Variants in SYNJ2 observed in about 807,000 individuals in gnomAD.
SYNJ2 encodes polyphosphatidylinositol phosphatase SYNJ2.
A neutral mutation model predicts 141.3 loss-of-function variants in SYNJ2; 116 were observed. That is an observed-to-expected ratio of 0.82 (90% CI 0.71 to 0.96). The LOEUF is 0.96. Ranked by LOEUF, SYNJ2 falls within the 40% of genes least tolerant of loss-of-function variation. The probability of loss-of-function intolerance (pLI) is 0.00; values close to 1 mark genes in which losing one functional copy is unlikely to be tolerated. For missense variants in SYNJ2, 1,873 were observed against 1,934.8 expected, an observed-to-expected ratio of 0.97 and a Z score of 0.60; for synonymous variants, 745 against 777.7, an observed-to-expected ratio of 0.96 and a Z score of 0.70.
Position 158,097,475 on chromosome 6 carries a change from T to C in SYNJ2, c.*1111T>C, listed in dbSNP as rs1048394. 79,798 of 152,078 alleles carry C rather than the reference T, an allele frequency of 0.52. 21,231 individuals carry two copies. Among genetic ancestry groups the C allele is most frequent in the African/African-American group, 0.59 (24,481 of 41,490 alleles). 9.4% of individuals were successfully genotyped at this position (152,078 alleles called of 1,614,324 possible). A position where few individuals can be genotyped will look rare whatever the true frequency, so the allele number is the denominator to read the frequency against. ...AGTGCTTTACATTTTTAAAGTAATG[T>C]TACAAGGTCTGGAATCCATTTGGAG... On this transcript the variant is annotated 3_prime_UTR_variant, in exon 27 of 27. Transcript: ENST00000355585.
chr6:158,066,325 G>A lies in SYNJ2; in HGVS notation c.1526-119G>A, dbSNP rs960157488. ...GTCGTCTTCGTAAGGAGCATACCCTGGTTTATCTCTAGAGGCTCATGAACC... is the reference window on the plus strand; with the variant it reads ...GTCGTCTTCGTAAGGAGCATACCCTAGTTTATCTCTAGAGGCTCATGAACC... On this transcript the variant is annotated intron_variant, in intron 11 of 26. Coordinates refer to ENST00000355585, the MANE Select transcript of SYNJ2 (RefSeq NM_003898.4). The A allele has an allele frequency of 2.6e-6, 3 of 1,162,052 alleles. No homozygotes were observed. The African/African-American group carries it at 4.6e-5, about 18-fold the overall frequency. The allele number at this position is 1,162,052 out of a possible 1,614,324, so 72.0% of individuals were successfully genotyped here. A position where few individuals can be genotyped will look rare whatever the true frequency, so the allele number is the denominator to read the frequency against.
chr6:158,072,135 G>C (rs73017997), intron 15 of SYNJ2, among the ~76,000 whole-genome samples: 1 of 152,326 alleles, frequency 6.6e-6, no homozygotes, highest in Non-Finnish European at 1.5e-5. Flanking sequence ...TCCTGTCCAA[G>C]TGGTGAAGAG....
chr6:158,053,782 C>G (rs1029101159), intron 5 of SYNJ2, among the ~76,000 whole-genome samples: 2 of 151,160 alleles, frequency 1.3e-5, no homozygotes, highest in Non-Finnish European at 3.0e-5. Context: ...TCCACCCACC[C>G]ACTCACCCAC....
intron 3 of SYNJ2, among the ~76,000 whole-genome samples, chr6:158,031,119 G>A (rs1021784768): frequency 7.9e-5 from 12 of 152,146 alleles, no homozygotes; most frequent in African/African-American, 1.4e-4. Flanking sequence ...TGTGCCCCGC[G>A]AGCTGTTACA....
intron 2 of SYNJ2, among the ~76,000 whole-genome samples, chr6:158,021,595 G>A (rs1236649055): frequency 6.6e-6 from 1 of 152,176 alleles, no homozygotes; most frequent in Non-Finnish European, 1.5e-5. Flanking sequence ...GCAGAGGGCT[G>A]AGGACGAGGT....
intron 6 of SYNJ2, among the ~76,000 whole-genome samples, chr6:158,055,659 A>G (rs1036802657): frequency 6.6e-6 from 1 of 152,236 alleles, no homozygotes; most frequent in Non-Finnish European, 1.5e-5. Flanking sequence ...TATTTAATCT[A>G]AATACTCAAT....
At chr6:158,083,958 C>T (rs753678962) in intron 21 of SYNJ2, 43 bp from the exon 22 acceptor site, 1 of 1,605,436 alleles carries the variant, frequency 6.2e-7, no homozygotes, top group East Asian at 2.2e-5. Context: ...GCCTTTCCCC[C>T]TCATTGTTTT....
intron 1 of SYNJ2, among the ~76,000 whole-genome samples, chr6:158,004,553 T>A (rs1777981187): frequency 6.6e-6 from 1 of 152,158 alleles, no homozygotes; most frequent in African/African-American, 2.4e-5. Flanking sequence ...TTCCCAGAAA[T>A]GAATAATCCA....
chr6:158,033,061 T>TTTTTTA, intron 3 of SYNJ2, among the ~76,000 whole-genome samples: 1 of 152,358 alleles, frequency 6.6e-6, no homozygotes, highest in East Asian at 1.9e-4. Context: ...AGATGATTAA[T>TTTTTTA]TTTTTACCAA....
intron 4 of SYNJ2, among the ~76,000 whole-genome samples, chr6:158,034,424 G>T (rs1201911043): frequency 1.3e-5 from 2 of 152,224 alleles, no homozygotes; most frequent in African/African-American, 4.8e-5. Flanking sequence ...GTGGCTGTGC[G>T]TCCCCCCTCG....
At chr6:158,005,115 T>C (rs1487506549) in intron 1 of SYNJ2, among the ~76,000 whole-genome samples, 6 of 149,910 alleles carry the variant, frequency 4.0e-5, no homozygotes, top group Admixed American at 6.6e-5. Flanking sequence ...TCTTGCTCTG[T>C]CGCCCAGGCT....
chr6:158,078,241 C>A lies in SYNJ2; in HGVS notation c.2527C>A (p.Gln843Lys), dbSNP rs781295476. The change falls in exon 18 of 27, where the codon CAG (glutamine) becomes AAG (lysine). Residue 843 changes from glutamine (Q) to lysine (K), a missense_variant. Gln to Lys is a moderately conservative substitution (Grantham distance 53, BLOSUM62 1). Transcript: ENST00000355585. Reference sequence around the variant, plus strand: ...ACACACCTGGTCTCCTGGTGCCCTGCAGTATTATGGTCGTGCGGAGCTACA... The same window carrying A: ...ACACACCTGGTCTCCTGGTGCCCTGAAGTATTATGGTCGTGCGGAGCTACA... ...VRHTWSPGAL[Q>K]YYGRAELQAS... The A allele has an allele frequency of 1.9e-6, 3 of 1,614,008 alleles. No homozygotes were observed. Among genetic ancestry groups the A allele is most frequent in the East Asian group, 2.2e-5 (1 of 44,886 alleles).
At chr6:157,981,728 G>T (rs533119038), upstream of SYNJ2, among the ~76,000 whole-genome samples, 6 of 151,784 alleles carry the variant, frequency 4.0e-5, no homozygotes, top group East Asian at 9.7e-4. This position sits in a 1 kb window ranked among gnomAD's most constrained non-coding sequence, Gnocchi z 6.4. Context: ...CTGGCCGCTG[G>T]GGGGAGCGCG....
At position 158,071,408 on chromosome 6, in the gene SYNJ2, C is replaced by T. The variant is rs970293684; in HGVS notation, c.1941-194C>T. ...GGGTGTGGGGGAGATGTCCAGGCAG[C>T]GGTGGGCAGCAGGAGGGAGGCGGCC... On this transcript the variant is annotated intron_variant, in intron 14 of 26. Transcript: ENST00000355585. This position sits in a 1 kb window ranked among gnomAD's most constrained non-coding sequence, Gnocchi z 4.3. Among the ~76,000 whole-genome samples, 5 of 151,948 alleles carry T rather than the reference C, an allele frequency of 3.3e-5. No homozygotes were observed. The highest frequency in any genetic ancestry group is 6.6e-5 in the Admixed American group (1 of 15,250).
At chr6:158,015,465 G>T (rs1319067064) in intron 1 of SYNJ2, among the ~76,000 whole-genome samples, 1 of 152,122 alleles carries the variant, frequency 6.6e-6, no homozygotes, top group Non-Finnish European at 1.5e-5. Flanking sequence ...TTCTTGGGTG[G>T]GGAGAAAAGT....
chr6:158,088,324 A>G (rs979758883), intron 23 of SYNJ2, among the ~76,000 whole-genome samples: 1 of 152,080 alleles, frequency 6.6e-6, no homozygotes, highest in Non-Finnish European at 1.5e-5. Flanking sequence ...ATATTTTAAA[A>G]ATCTGGTCCT....
intron 21 of SYNJ2, 30 bp from the exon 22 acceptor site, chr6:158,083,971 C>T (rs1782872498): frequency 6.2e-7 from 1 of 1,612,470 alleles, no homozygotes; most frequent in Admixed American, 1.7e-5. Context: ...ATTGTTTTCA[C>T]CCGAATTGTG....
chr6:158,077,962 G>A (rs577166045), intron 17 of SYNJ2: 27 of 473,770 alleles, frequency 5.7e-5, no homozygotes, highest in African/African-American at 5.2e-4. Context: ...TGACTGTTTT[G>A]AATAATTATA....
In SYNJ2 at chr6:158,095,814, G is replaced by A. The variant is rs1783763432; in HGVS notation, c.3941G>A (p.Gly1314Glu). The A allele has an allele frequency of 1.2e-6, 2 of 1,614,140 alleles. No homozygotes were observed. Among genetic ancestry groups the A allele is most frequent in the Non-Finnish European group, 1.7e-6 (2 of 1,180,010 alleles). The part of the protein sequence containing the change: ...RKPASDEAPP[G>E]AGASVPPPLE... The stretch of plus-strand genomic sequence containing the variant: ...CCAGCATCAGACGAAGCCCCTCCTG[G>A]GGCAGGAGCCTCTGTGCCACCACCT... Residue 1314 changes from glycine (G) to glutamate (E), a missense_variant, in exon 27 of 27, where the codon GGG (glycine) becomes GAG (glutamate). Gly to Glu is a moderately conservative substitution (Grantham distance 98). Transcript: ENST00000355585.
Sources: allele counts gnomAD v4.1 joint callset (sites outside exome capture counted in the v4.1 genomes callset), GRCh38; gene constraint gnomAD v4.1.1; non-coding constraint Gnocchi (gnomAD v3.1); transcripts MANE v1.5; gene names NCBI Gene and HGNC (gene_info 2026-07-23, HGNC 2026-07-21).